Variants in SUZ12 observed in about 807,000 individuals in gnomAD.
SUZ12 encodes polycomb protein SUZ12.
SUZ12 carries 17 observed loss-of-function variants against 87.3 expected under a neutral mutation model. The observed-to-expected ratio is 0.19, with a 90% CI of 0.13 to 0.29. The LOEUF is 0.29. Among genes scored for constraint, SUZ12 ranks in the 10% least tolerant of loss-of-function variants. SUZ12 has a pLI of 1.00. For synonymous variants in SUZ12, 253 were observed against 312.4 expected, an observed-to-expected ratio of 0.81 and a Z score of 2.01; for missense variants, 526 against 912.2, an observed-to-expected ratio of 0.58 and a Z score of 5.45.
chr17:31,975,068 C>T (rs2521594), intron 6 of SUZ12, among the ~76,000 whole-genome samples: 16,247 of 151,976 alleles, frequency 0.11, 1,060 homozygotes, highest in Middle Eastern at 0.15. Context: ...CTATTAGTCA[C>T]TGTCATGTTA....
chr17:31,947,846 A>G (rs1362296415), intron 4 of SUZ12, among the ~76,000 whole-genome samples, 161 bp downstream of exon 4: 1 of 152,128 alleles, frequency 6.6e-6, no homozygotes, highest in African/African-American at 2.4e-5. Context: ...TAATTTCTGT[A>G]GCATTCCTGG....
intron 15 of SUZ12, 40 bp from the exon 16 acceptor site, chr17:31,998,618 T>A: frequency 7.0e-7 from 1 of 1,432,430 alleles, no homozygotes; most frequent in Non-Finnish European, 9.3e-7. Context: ...TTGACAAAAA[T>A]GCTTTGTATT....
chr17:31,940,498 G>A lies in SUZ12; in HGVS notation c.386+12G>A. 2 of 1,527,118 alleles carry A rather than the reference G, an allele frequency of 1.3e-6. No individual in the cohort carries two copies. The highest frequency in any genetic ancestry group is 2.5e-5 in the South Asian group (2 of 78,990). The allele number at this position is 1,527,118 out of a possible 1,614,324, so 94.6% of individuals were successfully genotyped here. A position where few individuals can be genotyped will look rare whatever the true frequency, so the allele number is the denominator to read the frequency against. The stretch of plus-strand genomic sequence containing the variant: ...ACAAACATCAAAAGGTACATTTTAT[G>A]AATCTTATTTCAAGCTGATCAAACC... On this transcript the variant is annotated intron_variant, in intron 3 of 15. Coordinates refer to ENST00000322652, the MANE Select transcript of SUZ12 (RefSeq NM_015355.4).
chr17:31,942,017 T>C (rs2142120116), intron 3 of SUZ12, among the ~76,000 whole-genome samples: 1 of 152,086 alleles, frequency 6.6e-6, no homozygotes, highest in East Asian at 1.9e-4. Flanking sequence ...CACACCCAGC[T>C]GATTTTTTGT....
At chr17:31,970,816 T>G (rs547792089) in intron 5 of SUZ12, among the ~76,000 whole-genome samples, 61 of 151,070 alleles carry the variant, frequency 4.0e-4, no homozygotes, top group Non-Finnish European at 8.0e-4. Context: ...AAAAAAAAAA[T>G]AAAGAAAAAA....
chr17:31,952,961 A>G (rs1305769829), intron 4 of SUZ12, among the ~76,000 whole-genome samples: 1 of 152,162 alleles, frequency 6.6e-6, no homozygotes, highest in African/African-American at 2.4e-5. Flanking sequence ...AGTTGCTTCC[A>G]AGTGTTTACC....
At position 31,940,479 on chromosome 17, in the gene SUZ12, A is replaced by G. The variant is rs1287103213; in HGVS notation, c.379A>G (p.Ile127Val). 1.9e-6 allele frequency: 3 copies of G among 1,569,204 alleles called. No homozygotes were observed. The highest frequency in any genetic ancestry group is 1.9e-5 in the Admixed American group (1 of 52,134). ...GTCTCATCGAAACTCCAGAACAAACATCAAAAGGTACATTTTATGAATCTT... is the reference window on the plus strand; with the variant it reads ...GTCTCATCGAAACTCCAGAACAAACGTCAAAAGGTACATTTTATGAATCTT... ...YMSHRNSRTN[I>V]KRKTFKVDDM... is the part of the protein sequence containing the mutation. Residue 127 changes from isoleucine (I) to valine (V), a missense_variant, in exon 3 of 16, where the codon ATC becomes GTC. Physicochemically the swap from Ile to Val is conservative, Grantham distance 29 (BLOSUM62 3). This residue lies in a region of SUZ12 where 49 missense variants were observed against 73.2 expected (regional missense o/e 0.67). Transcript: ENST00000322652.
intron 4 of SUZ12, among the ~76,000 whole-genome samples, chr17:31,960,570 C>T (rs1231142734): frequency 6.7e-6 from 1 of 148,794 alleles, no homozygotes; most frequent in Non-Finnish European, 1.5e-5. Context: ...TTCCCAATGT[C>T]ACCTTTATTT....
Position 31,942,312 on chromosome 17 carries a change from A to G in SUZ12, c.386+1826A>G, listed in dbSNP as rs543910372. Among the ~76,000 whole-genome samples the G allele has an allele frequency of 1.4e-4, 21 of 151,408 alleles. No individual in the cohort carries two copies. In the East Asian group the frequency reaches 3.5e-3, roughly 25 times the overall value. ...TGGTGGGTTCAGAAAGTCTCATTTT[A>G]TATCTTTGGTTTTTTTTTTGTTTTG... On this transcript the variant is annotated intron_variant, in intron 3 of 15. Coordinates refer to ENST00000322652, the MANE Select transcript of SUZ12 (RefSeq NM_015355.4).
intron 6 of SUZ12, 107 bp from the exon 7 acceptor site, chr17:31,975,375 A>G: frequency 1.4e-6 from 1 of 721,250 alleles, no homozygotes; most frequent in Non-Finnish European, 2.2e-6. Context: ...CCATTTGGTG[A>G]TCATGGCCTA....
At chr17:31,982,898 T>C (rs1909197346) in intron 8 of SUZ12, 101 bp from the exon 9 acceptor site, 1 of 1,374,310 alleles carries the variant, frequency 7.3e-7, no homozygotes, top group Admixed American at 2.5e-5. Context: ...AGCTAGTTTA[T>C]AAATTTAATA....
At position 31,968,941 on chromosome 17, in the gene SUZ12, A is replaced by G. The variant is rs540453487; in HGVS notation, c.505+2745A>G. Among the ~76,000 whole-genome samples, 5 of 152,176 alleles carry G rather than the reference A, an allele frequency of 3.3e-5. No homozygotes were observed. The South Asian group carries it at 8.3e-4, about 25-fold the overall frequency. On this transcript the variant is annotated intron_variant, in intron 5 of 15. Transcript: ENST00000322652. ...AATTGCTCAGATTTACTTTGTTTTTATTTTTCTTGATATTGAAGTAAAAGA... is the reference window on the plus strand; with the variant it reads ...AATTGCTCAGATTTACTTTGTTTTTGTTTTTCTTGATATTGAAGTAAAAGA...
rs538453500 is a variant in SUZ12 at position 31,969,108 on chromosome 17, C to T, written c.505+2912C>T. On this transcript the variant is annotated intron_variant, in intron 5 of 15. Transcript: ENST00000322652. ...TCTCATGCCTCCACCTCCCAAGTAT[C>T]TGGGATTACAGGCGGGTGCCACCAC... Among the ~76,000 whole-genome samples, 24 of 152,238 alleles carry T rather than the reference C, an allele frequency of 1.6e-4. 1 individual carries two copies. The South Asian group carries it at 5.0e-3, about 32-fold the overall frequency.
chr17:31,941,883 G>A (rs1906308441), intron 3 of SUZ12, among the ~76,000 whole-genome samples: 2 of 148,918 alleles, frequency 1.3e-5, no homozygotes, highest in South Asian at 2.1e-4. Context: ...ATGGAGTTTC[G>A]CTCTTGTCTC....
At position 31,999,431 on chromosome 17, in the gene SUZ12, CAT is replaced by C. The variant is rs1401623634; in HGVS notation, c.*431_*432del. 2 of 231,726 alleles carry C rather than the reference CAT, an allele frequency of 8.6e-6. No homozygotes were observed. Among genetic ancestry groups the C allele is most frequent in the Non-Finnish European group, 1.7e-5 (2 of 117,448 alleles). 14.4% of individuals were successfully genotyped at this position (231,726 alleles called of 1,614,324 possible). A position where few individuals can be genotyped will look rare whatever the true frequency, so the allele number is the denominator to read the frequency against. ...CTTTTTTAGAAATTGAAGTGGTCTT[CAT>C]ATGTCAACTACAGAAAAGGAAAAAA... On this transcript the variant is annotated 3_prime_UTR_variant, in exon 16 of 16. Coordinates refer to ENST00000322652, the MANE Select transcript of SUZ12 (RefSeq NM_015355.4).
intron 4 of SUZ12, among the ~76,000 whole-genome samples, chr17:31,965,531 T>TA (rs1326509151): frequency 2.0e-5 from 3 of 152,242 alleles, no homozygotes; most frequent in Non-Finnish European, 4.4e-5. Context: ...GTGAAAATGA[T>TA]ATATTGAAAC....
intron 10 of SUZ12, among the ~76,000 whole-genome samples, chr17:31,990,062 T>C (rs1218140495): frequency 1.3e-5 from 2 of 148,386 alleles, no homozygotes; most frequent in Non-Finnish European, 3.0e-5. Context: ...TCATGCCAAT[T>C]TCCTGCCTCA....
chr17:31,949,297 A>C (rs971051022), intron 4 of SUZ12, among the ~76,000 whole-genome samples: 16 of 152,154 alleles, frequency 1.1e-4, no homozygotes, highest in African/African-American at 3.6e-4. Context: ...GTTCAATAGC[A>C]ACTCAAACAT....
intron 8 of SUZ12, among the ~76,000 whole-genome samples, chr17:31,977,095 G>T (rs1483845622): frequency 1.3e-5 from 2 of 152,082 alleles, no homozygotes; most frequent in African/African-American, 2.4e-5. Context: ...CGTAAATCTT[G>T]GGGTTATGTG....
Sources: allele counts gnomAD v4.1 joint callset (sites outside exome capture counted in the v4.1 genomes callset), GRCh38; gene constraint gnomAD v4.1.1; regional missense constraint gnomAD v4.1.1; transcripts MANE v1.5; gene names NCBI Gene and HGNC (gene_info 2026-07-23, HGNC 2026-07-21).